The following GMDS variants were observed in gnomAD, a reference collection of about 807,000 sequenced individuals.
GMDS encodes GDP-mannose 4,6 dehydratase.
A neutral mutation model predicts 49.9 loss-of-function variants in GMDS; 20 were observed. The ratio of observed to expected loss-of-function variants is 0.40; its 90% CI spans 0.28 to 0.58. The LOEUF (loss-of-function observed/expected upper bound fraction) is 0.58, where lower values mean the gene tolerates loss of function less well. GMDS is among the 20% of genes least tolerant of loss of function. The pLI is 0.42. For synonymous variants in GMDS, 177 were observed against 178.6 expected (o/e 0.99, Z 0.07); for missense variants, 362 against 481.4 (o/e 0.75, Z 2.32).
At chr6:1,698,583 T>C (rs1384404468) in intron 9 of GMDS, among the ~76,000 whole-genome samples, 1 of 150,272 alleles carries the variant, frequency 6.7e-6, no homozygotes, top group African/African-American at 2.5e-5. Flanking sequence ...GGCCGGGAGG[T>C]GAGCTGAGTC....
chr6:1,934,445 G>C (rs2127250290), intron 6 of GMDS, among the ~76,000 whole-genome samples: 1 of 152,310 alleles, frequency 6.6e-6, no homozygotes, highest in Admixed American at 6.5e-5. Flanking sequence ...GGATCATGTT[G>C]AATCTGTAGA....
chr6:1,824,674 T>A (rs1771035970), intron 7 of GMDS, among the ~76,000 whole-genome samples: 1 of 152,138 alleles, frequency 6.6e-6, no homozygotes. Flanking sequence ...TTTTGTAAAC[T>A]ACTTGAACTC....
Position 1,778,164 on chromosome 6 carries a change from G to A in GMDS, c.772-35578C>T, listed in dbSNP as rs921991418. ...CTGAATAAAGGATCGAGTTAGACTGGCCTTCTCAACACCTCACGAAAAGCG... is the reference window on the plus strand; with the variant it reads ...CTGAATAAAGGATCGAGTTAGACTGACCTTCTCAACACCTCACGAAAAGCG... On this transcript the variant is annotated intron_variant, in intron 7 of 10. Transcript: ENST00000380815. The surrounding 1 kb of genome is among the most constrained non-coding windows in gnomAD (Gnocchi z 4.6). Among the ~76,000 whole-genome samples, 4 of 152,166 alleles carry A rather than the reference G, an allele frequency of 2.6e-5. No individual in the cohort carries two copies. The highest frequency in any genetic ancestry group is 9.7e-5 in the African/African-American group (4 of 41,426).
intron 9 of GMDS, among the ~76,000 whole-genome samples, chr6:1,675,879 T>C (rs1417399563): frequency 6.7e-6 from 1 of 148,340 alleles, no homozygotes; most frequent in Non-Finnish European, 1.5e-5. Context: ...ATAAAGGGGA[T>C]ATCACCACCG....
chr6:1,632,368 G>A (rs1763025907), intron 9 of GMDS, among the ~76,000 whole-genome samples: 1 of 152,214 alleles, frequency 6.6e-6, no homozygotes, highest in African/African-American at 2.4e-5. Flanking sequence ...TTTGCTGTAT[G>A]TGAGGTCCCA....
rs3839598 is a variant in GMDS at position 1,833,505 on chromosome 6, CT to C, written c.772-90920del. ...CTGAATGCAGCACACATTTTTAAAA[CT>C]TTTTTTTTTTGCCTTTTCTTCCTTT... On this transcript the variant is annotated intron_variant, in intron 7 of 10. Coordinates refer to ENST00000380815, the MANE Select transcript of GMDS (RefSeq NM_001500.4). The surrounding 1 kb of genome is among the most constrained non-coding windows in gnomAD (Gnocchi z 4.4). Among the ~76,000 whole-genome samples the C allele has an allele frequency of 1.6e-3, 241 of 146,322 alleles. No homozygotes were observed. The highest frequency in any genetic ancestry group is 4.0e-3 in the African/African-American group (162 of 40,150).
intron 1 of GMDS, among the ~76,000 whole-genome samples, chr6:2,208,854 T>TAAAAA (rs34346221): frequency 2.8e-5 from 4 of 142,412 alleles, no homozygotes; most frequent in Admixed American, 1.4e-4. Flanking sequence ...TGGGCTACAT[T>TAAAAA]AAAAAAAAAA....
intron 1 of GMDS, among the ~76,000 whole-genome samples, chr6:2,159,389 T>C (rs981325528): frequency 6.6e-6 from 1 of 152,086 alleles, no homozygotes; most frequent in African/African-American, 2.4e-5. Flanking sequence ...CCAGCCAATT[T>C]TAACGTTTTA....
At chr6:2,177,546 A>T (rs1778339406) in intron 1 of GMDS, among the ~76,000 whole-genome samples, 1 of 152,218 alleles carries the variant, frequency 6.6e-6, no homozygotes, top group African/African-American at 2.4e-5. Flanking sequence ...AACATACACA[A>T]ATCAATATAT....
chr6:1,869,655 C>A (rs1208667672), intron 7 of GMDS, among the ~76,000 whole-genome samples: 2 of 152,220 alleles, frequency 1.3e-5, no homozygotes. Flanking sequence ...TTCTGCTTCT[C>A]AGCAAGGGAG....
intron 7 of GMDS, among the ~76,000 whole-genome samples, chr6:1,787,950 G>A (rs1228870355): frequency 1.3e-5 from 2 of 152,332 alleles, no homozygotes; most frequent in South Asian, 4.1e-4. Flanking sequence ...TGGCATGGGA[G>A]AGTGTGGAGA....
rs528773573 is a variant in GMDS, at chr6:1,738,700, G to A, written c.890+3768C>T. 7.3e-4 allele frequency among the ~76,000 whole-genome samples: 110 copies of A among 150,650 alleles called. No individual in the cohort carries two copies. The East Asian group carries it at 0.013, about 17-fold the overall frequency. On this transcript the variant is annotated intron_variant, in intron 8 of 10. Transcript: ENST00000380815. ...AGAAAGCTTTCTAGCTTAATTAATG[G>A]CAATGCTAATGAGACTAGAGAGCTT... is the stretch of plus-strand genomic sequence containing the variant.
chr6:1,679,973 CA>C (rs1311313480), intron 9 of GMDS: 3 of 152,188 alleles, frequency 2.0e-5, no homozygotes, highest in Non-Finnish European at 4.4e-5. Flanking sequence ...AAAAGATTGA[CA>C]ATGAAATATA....
At chr6:2,179,858 T>G (rs946576977) in intron 1 of GMDS, among the ~76,000 whole-genome samples, 1 of 151,718 alleles carries the variant, frequency 6.6e-6, no homozygotes, top group Non-Finnish European at 1.5e-5. Context: ...TGTGAGTCCA[T>G]AAGATCATAC....
At chr6:1,696,781 AG>A (rs1765357517) in intron 9 of GMDS, among the ~76,000 whole-genome samples, 1 of 152,196 alleles carries the variant, frequency 6.6e-6, no homozygotes, top group East Asian at 1.9e-4. Context: ...CACTCTGGAG[AG>A]GCTTCATCTC....
At chr6:1,974,876 AAAG>A (rs1195496932) in intron 4 of GMDS, among the ~76,000 whole-genome samples, 4 of 142,844 alleles carry the variant, frequency 2.8e-5, no homozygotes, top group African/African-American at 5.5e-5. Context: ...ATTAAAAAAA[AAAG>A]AAAAAAAAAT....
At chr6:1,671,689 G>A (rs562329056) in intron 9 of GMDS, among the ~76,000 whole-genome samples, 1 of 139,060 alleles carries the variant, frequency 7.2e-6, no homozygotes, top group African/African-American at 2.6e-5. Context: ...TTTTTGAGAC[G>A]GAATCTCACT....
At chr6:1,681,513 G>A (rs1214151112) in intron 9 of GMDS, among the ~76,000 whole-genome samples, 1 of 152,152 alleles carries the variant, frequency 6.6e-6, no homozygotes, top group African/African-American at 2.4e-5. Flanking sequence ...CTCCAGGTGA[G>A]GAGGACCAGG....
At chr6:1,946,470 C>T (rs1201984723) in intron 6 of GMDS, among the ~76,000 whole-genome samples, 1 of 151,192 alleles carries the variant, frequency 6.6e-6, no homozygotes, top group Non-Finnish European at 1.5e-5. Context: ...GCATCTGGCA[C>T]ATGGTCAGAA....
Sources: allele counts gnomAD v4.1 joint callset (sites outside exome capture counted in the v4.1 genomes callset), GRCh38; gene constraint gnomAD v4.1.1; non-coding constraint Gnocchi (gnomAD v3.1); transcripts MANE v1.5; gene names NCBI Gene and HGNC (gene_info 2026-07-23, HGNC 2026-07-21).